Variants in CSMD1 observed in about 807,000 individuals in gnomAD.
CSMD1 encodes the protein CUB and sushi domain-containing protein 1.
Under a neutral mutation model 417.5 loss-of-function variants are expected in CSMD1, and 213 were observed. That is an observed-to-expected ratio of 0.51 (90% CI 0.46 to 0.57). The LOEUF is 0.57. CSMD1 is among the 20% of genes least tolerant of loss of function. CSMD1 has a pLI of 0.00. For missense variants in CSMD1, 6,923 were observed against 4,529.7 expected, an observed-to-expected ratio of 1.53 and a Z score of -15.17; for synonymous variants, 2,862 against 1,736.8, an observed-to-expected ratio of 1.65 and a Z score of -16.11.
At chr8:3,913,690 T>G (rs1808610029) in intron 5 of CSMD1, among the ~76,000 whole-genome samples, 1 of 152,062 alleles carries the variant, frequency 6.6e-6, no homozygotes, top group African/African-American at 2.4e-5. Flanking sequence ...GATGCAAACT[T>G]TCAGGAAGTT....
chr8:4,432,111 G>A (rs550087991), intron 2 of CSMD1, among the ~76,000 whole-genome samples: 1 of 151,994 alleles, frequency 6.6e-6, no homozygotes, highest in African/African-American at 2.4e-5. Context: ...AGTTCAAAAA[G>A]GTGATTATAT....
chr8:4,385,709 G>A (rs1367022072), intron 3 of CSMD1, among the ~76,000 whole-genome samples: 1 of 152,108 alleles, frequency 6.6e-6, no homozygotes, highest in Non-Finnish European at 1.5e-5. Flanking sequence ...TATTTTTATA[G>A]AGAAAATTCA....
chr8:3,923,139 G>C (rs1277136608), intron 5 of CSMD1, among the ~76,000 whole-genome samples: 1 of 152,090 alleles, frequency 6.6e-6, no homozygotes, highest in Admixed American at 6.6e-5. Flanking sequence ...GAGAGCTAGG[G>C]TCCCAGACCA....
intron 22 of CSMD1, among the ~76,000 whole-genome samples, chr8:3,344,887 TA>T (rs958486416): frequency 4.7e-4 from 72 of 152,336 alleles, no homozygotes; most frequent in African/African-American, 1.7e-3. Flanking sequence ...AGATACTCTC[TA>T]ATCTCCTTAC....
At chr8:4,263,901 T>C (rs551504530) in intron 3 of CSMD1, among the ~76,000 whole-genome samples, 25 of 152,280 alleles carry the variant, frequency 1.6e-4, no homozygotes, top group East Asian at 3.9e-4. Context: ...ATAGACACAA[T>C]AGTCCTGCAG....
rs74549356 is a variant in CSMD1 at position 4,158,150 on chromosome 8, C to G, written c.416-126051G>C. On this transcript the variant is annotated intron_variant, in intron 3 of 69. Transcript: ENST00000635120. The stretch of plus-strand genomic sequence containing the variant: ...GCAGTCCCTGAGGTCAGACCATTCT[C>G]CCTACGGCCTTCATCATTTTTAGTG... 3.8e-4 allele frequency among the ~76,000 whole-genome samples: 58 copies of G among 151,652 alleles called. 1 individual carries two copies. The East Asian group carries it at 0.01, about 27-fold the overall frequency.
intron 5 of CSMD1, among the ~76,000 whole-genome samples, chr8:3,816,926 C>A (rs1038266204): frequency 6.6e-6 from 1 of 152,090 alleles, no homozygotes; most frequent in Non-Finnish European, 1.5e-5. Context: ...CCTCCCTATT[C>A]TACTATTCTA....
intron 3 of CSMD1, among the ~76,000 whole-genome samples, chr8:4,410,863 A>C (rs111877888): frequency 5.1e-4 from 77 of 152,264 alleles, no homozygotes; most frequent in African/African-American, 1.8e-3. Flanking sequence ...CAGTGTAATA[A>C]GTTTGGAAGG....
intron 5 of CSMD1, among the ~76,000 whole-genome samples, chr8:3,866,212 C>T (rs1411055814): frequency 6.6e-6 from 1 of 152,114 alleles, no homozygotes; most frequent in Non-Finnish European, 1.5e-5. Flanking sequence ...AGCATTATTC[C>T]TAATTCTAGT....
chr8:4,004,240 A>G (rs547598968), intron 4 of CSMD1, among the ~76,000 whole-genome samples: 1 of 152,122 alleles, frequency 6.6e-6, no homozygotes, highest in African/African-American at 2.4e-5. Flanking sequence ...GTCAAGAAAT[A>G]GTTTAACATC....
At chr8:4,597,489 T>G (rs181338252) in intron 2 of CSMD1, among the ~76,000 whole-genome samples, 71 of 152,288 alleles carry the variant, frequency 4.7e-4, no homozygotes, top group African/African-American at 1.6e-3. Flanking sequence ...ATTACTTGTA[T>G]TTTTAAAAAT....
chr8:4,093,392 C>A (rs115395505), intron 3 of CSMD1, among the ~76,000 whole-genome samples: 1 of 151,956 alleles, frequency 6.6e-6, no homozygotes, highest in Non-Finnish European at 1.5e-5. Context: ...ATTTAGAAAG[C>A]CAAATTGTTT....
At chr8:4,139,705 G>C (rs945417219) in intron 3 of CSMD1, among the ~76,000 whole-genome samples, 3 of 151,250 alleles carry the variant, frequency 2.0e-5, no homozygotes, top group Middle Eastern at 6.8e-3. Flanking sequence ...GATGATTTTG[G>C]TGGGAAGCCC....
chr8:4,411,536 C>G (rs1041822015), intron 3 of CSMD1, among the ~76,000 whole-genome samples: 13 of 152,136 alleles, frequency 8.5e-5, no homozygotes, highest in African/African-American at 3.1e-4. Context: ...TTTCTTAACT[C>G]TATAGTATTC....
chr8:4,841,496 C>G (rs1800832454), intron 1 of CSMD1, among the ~76,000 whole-genome samples: 1 of 152,160 alleles, frequency 6.6e-6, no homozygotes, highest in Non-Finnish European at 1.5e-5. Context: ...CTGGACAAGT[C>G]ACTAAGTTTT....
chr8:4,045,440 C>T (rs1798101107), intron 3 of CSMD1, among the ~76,000 whole-genome samples: 1 of 152,180 alleles, frequency 6.6e-6, no homozygotes, highest in African/African-American at 2.4e-5. Flanking sequence ...GAAATGACTG[C>T]TGAGAACGTC....
intron 9 of CSMD1, among the ~76,000 whole-genome samples, chr8:3,583,322 T>C (rs1241747421): frequency 1.3e-5 from 2 of 151,806 alleles, no homozygotes; most frequent in Non-Finnish European, 2.9e-5. Context: ...AACCGGGTTG[T>C]GGGTCAGAGC....
intron 12 of CSMD1, among the ~76,000 whole-genome samples, chr8:3,443,638 G>C (rs182171435): frequency 2.4e-4 from 37 of 152,258 alleles, no homozygotes; most frequent in African/African-American, 7.2e-4. Flanking sequence ...GTTGACTGTG[G>C]AATATCAAAG....
intron 2 of CSMD1, among the ~76,000 whole-genome samples, chr8:4,627,706 C>A (rs557776526): frequency 2.0e-5 from 3 of 152,052 alleles, no homozygotes; most frequent in Non-Finnish European, 2.9e-5. Context: ...CTGCCTCTGC[C>A]CCGCCAAAAA....
Sources: gnomAD v4.1 joint callset for allele counts (sites outside exome capture counted in the v4.1 genomes callset) on GRCh38, gnomAD v4.1.1 for gene constraint, MANE v1.5 for transcripts, NCBI Gene and HGNC (gene_info 2026-07-23, HGNC 2026-07-21) for gene names.